The following TFPT variants were observed in gnomAD, a reference collection of about 807,000 sequenced individuals.
TFPT encodes the protein TCF3 fusion partner.
TFPT carries 27 observed loss-of-function variants against 28.8 expected under a neutral mutation model. That is an observed-to-expected ratio of 0.94 (90% CI 0.69 to 1.29). The LOEUF is 1.29. Among genes scored for constraint, TFPT ranks in the 50% most tolerant of loss-of-function variants. TFPT has a pLI of 0.00. For synonymous variants in TFPT, 152 were observed against 142.8 expected, an observed-to-expected ratio of 1.06 and a Z score of -0.46; for missense variants, 330 against 338.0, an observed-to-expected ratio of 0.98 and a Z score of 0.19.
intron 5 of TFPT, chr19:54,107,495 C>T: frequency 2.9e-6 from 1 of 340,610 alleles, no homozygotes; most frequent in Non-Finnish European, 5.4e-6. Flanking sequence ...GTGATCCTCC[C>T]ACCTAGGCCT....
chr19:54,107,953 T>TC, intron 5 of TFPT, 73 bp downstream of exon 5: 1 of 1,448,764 alleles, frequency 6.9e-7, no homozygotes, highest in Non-Finnish European at 9.2e-7. Flanking sequence ...TCCCCTTGAG[T>TC]CCCCCCTCCT....
At chr19:54,113,087 C>T (rs1228089911) in intron 2 of TFPT, among the ~76,000 whole-genome samples, 39 of 91,968 alleles carry the variant, frequency 4.2e-4, no homozygotes, top group South Asian at 2.1e-3. Flanking sequence ...GAGCGAGACT[C>T]CACCTCAAAA....
At chr19:54,111,976 A>G (rs776568315) in intron 2 of TFPT, among the ~76,000 whole-genome samples, 1 of 151,972 alleles carries the variant, frequency 6.6e-6, no homozygotes, top group Non-Finnish European at 1.5e-5. Context: ...GCGAAAATCC[A>G]TCTAAAAAAA....
intron 3 of TFPT, 98 bp from the exon 4 acceptor site, chr19:54,108,493 CA>C (rs769280299): frequency 1.2e-6 from 2 of 1,613,420 alleles, no homozygotes; most frequent in Non-Finnish European, 1.7e-6. Context: ...CACTCAACGC[CA>C]AAGCTGTCCT....
intron 5 of TFPT, chr19:54,107,714 T>C (rs1434376206): frequency 2.6e-6 from 1 of 387,392 alleles, no homozygotes; most frequent in East Asian, 4.0e-5. Flanking sequence ...CTCCCAGCCT[T>C]CTCTAGCTAT....
intron 2 of TFPT, among the ~76,000 whole-genome samples, chr19:54,114,075 G>C (rs149181020): frequency 1.2e-4 from 18 of 152,316 alleles, no homozygotes; most frequent in African/African-American, 4.3e-4. Context: ...GGATGGAGGA[G>C]AGGAGAAGGG....
In TFPT at chr19:54,115,517, C is replaced by T. The variant is rs770709964; in HGVS notation, c.-248G>A. On this transcript the variant is annotated 5_prime_UTR_variant, in exon 1 of 6. Transcript: ENST00000391759. Reference sequence around the variant, plus strand: ...ACGCCGCAACCAGTCCTCTGAGTTGCCAACGTCTTTCTTCTTGTCTCGACG... The same window carrying T: ...ACGCCGCAACCAGTCCTCTGAGTTGTCAACGTCTTTCTTCTTGTCTCGACG... 9 of 595,114 alleles carry T rather than the reference C, an allele frequency of 1.5e-5. No individual in the cohort carries two copies. Among genetic ancestry groups the T allele is most frequent in the Admixed American group, 5.9e-5 (2 of 33,684 alleles). 36.9% of individuals were successfully genotyped at this position (595,114 alleles called of 1,614,324 possible). A position where few individuals can be genotyped will look rare whatever the true frequency, so the allele number is the denominator to read the frequency against.
chr19:54,114,323 C>T, intron 2 of TFPT, 119 bp downstream of exon 2: 5 of 1,463,832 alleles, frequency 3.4e-6, no homozygotes, highest in Non-Finnish European at 9.1e-7. Context: ...AATATATAAG[C>T]TAAATGACTG....
At position 54,109,785 on chromosome 19, in the gene TFPT, G is replaced by C. The variant is rs587696759; in HGVS notation, c.353+266C>G. ...CCATCCTGCTGTTCCCTCCCTTCAG[G>C]GGGAGGATGCCCTCCACCCGGCCCT... is the stretch of plus-strand genomic sequence containing the variant. On this transcript the variant is annotated intron_variant, in intron 3 of 5. Coordinates refer to ENST00000391759, the MANE Select transcript of TFPT (RefSeq NM_013342.4). Among the ~76,000 whole-genome samples, 34 of 152,292 alleles carry C rather than the reference G, an allele frequency of 2.2e-4. 1 individual carries two copies. The highest frequency in any genetic ancestry group is 7.5e-4 in the African/African-American group (31 of 41,548).
At chr19:54,107,498 C>A (rs2073305259) in intron 5 of TFPT, 1 of 336,822 alleles carries the variant, frequency 3.0e-6, no homozygotes, top group Non-Finnish European at 5.5e-6. Flanking sequence ...ATCCTCCCAC[C>A]TAGGCCTCCC....
In TFPT at chr19:54,108,356, G is replaced by C; in HGVS notation, c.393C>G (p.Tyr131Ter). The C allele has an allele frequency of 6.2e-7, 1 of 1,611,296 alleles. No individual in the cohort carries two copies. The highest frequency in any genetic ancestry group is 8.5e-7 in the Non-Finnish European group (1 of 1,178,780). The change falls in exon 4 of 6, where the codon TAC (tyrosine) becomes TAG (stop). Residue 131 changes from tyrosine (Y) to a stop codon, truncating the protein, a stop_gained. Transcript: ENST00000391759. LOFTEE classifies it high-confidence loss of function. ...MRVLDSYGDDYRASQFTIVLE... is the reference protein window; with the variant it reads ...MRVLDSYGDD ...GCACAATGGTGAACTGGCTGGCCCG[G>C]TAGTCATCCCCGTAGGAGTCCAGCA...
chr19:54,113,094 A>C (rs1473964886), intron 2 of TFPT, among the ~76,000 whole-genome samples: 2 of 6,530 alleles, frequency 3.1e-4, no homozygotes, highest in East Asian at 2.9e-3. Context: ...ACTCCACCTC[A>C]AAAAAAAAAA....
intron 3 of TFPT, 55 bp downstream of exon 3, chr19:54,109,996 G>A: frequency 6.4e-7 from 1 of 1,562,866 alleles, no homozygotes; most frequent in African/African-American, 1.4e-5. Context: ...CAGAGGGGCT[G>A]GGAGCATTTG....
chr19:54,115,059 A>T, intron 1 of TFPT, 188 bp downstream of exon 1: 1 of 869,928 alleles, frequency 1.1e-6, no homozygotes, highest in Non-Finnish European at 1.8e-6. Flanking sequence ...TGTCAGATCC[A>T]GCAGTCCAAA....
At chr19:54,111,684 G>A (rs372461433) in intron 2 of TFPT, among the ~76,000 whole-genome samples, 1,442 of 118,310 alleles carry the variant, frequency 0.012, no homozygotes, top group Middle Eastern at 0.015. Flanking sequence ...TGTCTCAAAA[G>A]AAAAAAAAAA....
intron 2 of TFPT, among the ~76,000 whole-genome samples, chr19:54,112,245 C>T (rs192568127): frequency 6.7e-3 from 596 of 89,286 alleles, no homozygotes; most frequent in African/African-American, 0.025. Context: ...CAGAGAAAGA[C>T]CCTGTCTCAA....
chr19:54,111,766 C>T (rs2073462858), intron 2 of TFPT, among the ~76,000 whole-genome samples: 1 of 151,534 alleles, frequency 6.6e-6, no homozygotes, highest in East Asian at 1.9e-4. Context: ...GAGCGGATCA[C>T]CTGAGGTCAG....
Position 54,110,100 on chromosome 19 carries a change from T to C in TFPT, c.304A>G (p.Arg102Gly), listed in dbSNP as rs774912384. Reference sequence around the variant, plus strand: ...GTTATCCTCTGCACCTGATGGAGCCTGTTCAGGACCCGCTCGTTCACCTAT... The same window carrying C: ...GTTATCCTCTGCACCTGATGGAGCCCGTTCAGGACCCGCTCGTTCACCTAT... Reference protein sequence around the residue: ...IEQVNERVLNRLHQVQRITRR... With the variant: ...IEQVNERVLNGLHQVQRITRR... Residue 102 changes from arginine (R) to glycine (G), a missense_variant, in exon 3 of 6, where the codon AGG becomes GGG. Transcript: ENST00000391759. 6.2e-7 allele frequency: 1 copy of C among 1,614,176 alleles called. No homozygotes were observed. The highest frequency in any genetic ancestry group is 8.5e-7 in the Non-Finnish European group (1 of 1,180,030).
intron 5 of TFPT, chr19:54,107,594 C>T (rs587691123): frequency 7.3e-6 from 2 of 273,160 alleles, no homozygotes; most frequent in South Asian, 7.0e-5. Flanking sequence ...TTCCTCCTTA[C>T]ACCTCAGAGG....
Sources: allele counts gnomAD v4.1 joint callset (sites outside exome capture counted in the v4.1 genomes callset), GRCh38; gene constraint gnomAD v4.1.1; transcripts MANE v1.5; gene names NCBI Gene and HGNC (gene_info 2026-07-23, HGNC 2026-07-21).